Variants in CLNK observed in about 807,000 individuals in gnomAD.
CLNK encodes cytokine dependent hematopoietic cell linker, also known as cytokine-dependent hematopoietic cell linker.
A neutral mutation model predicts 68.6 loss-of-function variants in CLNK; 74 were observed. The ratio of observed to expected loss-of-function variants is 1.08; its 90% CI spans 0.89 to 1.31. The LOEUF is 1.31. CLNK is among the 50% of genes most tolerant of loss of function. The pLI, the probability that CLNK is intolerant of heterozygous loss-of-function variation, is 0.00. For missense variants in CLNK, 553 were observed against 515.3 expected (o/e 1.07, Z -0.71); for synonymous variants, 198 against 172.2 (o/e 1.15, Z -1.17).
At chr4:10,678,904 G>A (rs957107786) in intron 1 of CLNK, among the ~76,000 whole-genome samples, 1 of 152,146 alleles carries the variant, frequency 6.6e-6, no homozygotes, top group South Asian at 2.1e-4. Context: ...CTCATGGGTA[G>A]GAGGAATCAA....
the CLNK span, among the ~76,000 whole-genome samples, chr4:10,717,733 A>C: frequency 6.6e-6 from 1 of 152,372 alleles, no homozygotes; most frequent in African/African-American, 2.4e-5. Context: ...GAGTGGTATC[A>C]GTGGAAACCA....
chr4:10,704,048 T>A, the CLNK span, among the ~76,000 whole-genome samples: 1 of 152,134 alleles, frequency 6.6e-6, no homozygotes, highest in East Asian at 1.9e-4. Context: ...GTGGAGGGGA[T>A]CTTATTTAAA....
At chr4:10,563,917 A>T (rs1196283881) in intron 7 of CLNK, among the ~76,000 whole-genome samples, 1 of 148,646 alleles carries the variant, frequency 6.7e-6, no homozygotes, top group Middle Eastern at 3.4e-3. Context: ...AAAAAAAGAA[A>T]AGAAAAGAAA....
intron 14 of CLNK, among the ~76,000 whole-genome samples, chr4:10,523,661 G>A (rs1405861980): frequency 6.6e-6 from 1 of 152,124 alleles, no homozygotes; most frequent in Non-Finnish European, 1.5e-5. Flanking sequence ...ACAGAAATGA[G>A]GCCAACTGGA....
At chr4:10,639,982 C>T (rs1723246902) in intron 2 of CLNK, among the ~76,000 whole-genome samples, 1 of 152,146 alleles carries the variant, frequency 6.6e-6, no homozygotes, top group Non-Finnish European at 1.5e-5. Context: ...GCTTTGTTTC[C>T]CTAGACCACA....
intron 2 of CLNK, among the ~76,000 whole-genome samples, chr4:10,651,647 C>G (rs767134990): frequency 6.6e-6 from 1 of 151,784 alleles, no homozygotes; most frequent in South Asian, 2.1e-4. Context: ...AGTATGCTAA[C>G]TATTTGGGTA....
At chr4:10,598,647 C>G (rs1244684920) in intron 2 of CLNK, 1 of 443,708 alleles carries the variant, frequency 2.3e-6, no homozygotes, top group Admixed American at 2.5e-5. Context: ...AAGAGATTAA[C>G]TTATTTTTCA....
chr4:10,516,030 T>A (rs955213876), intron 15 of CLNK, among the ~76,000 whole-genome samples: 3 of 152,188 alleles, frequency 2.0e-5, no homozygotes, highest in Non-Finnish European at 4.4e-5. Flanking sequence ...TAACATATTA[T>A]CATTGCATGT....
chr4:10,553,425 C>G (rs1005837909), intron 8 of CLNK, among the ~76,000 whole-genome samples: 2 of 151,814 alleles, frequency 1.3e-5, no homozygotes, highest in Non-Finnish European at 2.9e-5. Flanking sequence ...TTACTGCATC[C>G]AGAGTTTCCC....
chr4:10,699,513 T>TTTTA, the CLNK span, among the ~76,000 whole-genome samples: 10 of 62,062 alleles, frequency 1.6e-4, no homozygotes, highest in African/African-American at 8.2e-4. Flanking sequence ...TATATATATA[T>TTTTA]TTTTTTTTTT....
At chr4:10,561,180 C>T (rs1719875882) in intron 7 of CLNK, among the ~76,000 whole-genome samples, 1 of 152,126 alleles carries the variant, frequency 6.6e-6, no homozygotes, top group Non-Finnish European at 1.5e-5. Context: ...GGATTACAGG[C>T]ATGAACTACT....
chr4:10,502,141 C>T lies in CLNK; in HGVS notation c.985-730G>A, dbSNP rs116712842. ...CCCAGATTTTGCATGATGTATTAGT[C>T]TGTTTTCACACTTCTATAAAGAAAT... On this transcript the variant is annotated intron_variant, in intron 17 of 18. Coordinates refer to ENST00000226951, the MANE Select transcript of CLNK (RefSeq NM_052964.4). 7.4e-3 allele frequency among the ~76,000 whole-genome samples: 1,125 copies of T among 152,260 alleles called. 13 individuals carry two copies. The highest frequency in any genetic ancestry group is 0.026 in the African/African-American group (1,066 of 41,540).
chr4:10,674,465 T>A (rs1270743629), intron 1 of CLNK, among the ~76,000 whole-genome samples: 3 of 152,184 alleles, frequency 2.0e-5, no homozygotes, highest in African/African-American at 7.2e-5. Flanking sequence ...CATAATGAAT[T>A]TACTTTGGGT....
chr4:10,586,132 C>T (rs183904190), intron 3 of CLNK, among the ~76,000 whole-genome samples: 3 of 148,736 alleles, frequency 2.0e-5, no homozygotes, highest in Admixed American at 1.3e-4. Context: ...ATAATGCTTG[C>T]TTGTCCACTG....
In CLNK at chr4:10,488,530, T is replaced by C. The variant is rs1369549806; in HGVS notation, c.*1937A>G. On this transcript the variant is annotated 3_prime_UTR_variant, in exon 19 of 19. Coordinates refer to ENST00000226951, the MANE Select transcript of CLNK (RefSeq NM_052964.4). ...CAGCTTTTAGCTTTGACCGGACCAG[T>C]GAGTTCTTTCGTATCCAAGCTCCAA... The C allele has an allele frequency of 6.6e-6, 1 of 152,290 alleles. No homozygotes were observed. Among genetic ancestry groups the C allele is most frequent in the Non-Finnish European group, 1.5e-5 (1 of 68,068 alleles). 9.4% of individuals were successfully genotyped at this position (152,290 alleles called of 1,614,324 possible).
At chr4:10,651,634 A>G (rs1279369388) in intron 2 of CLNK, among the ~76,000 whole-genome samples, 1 of 152,186 alleles carries the variant, frequency 6.6e-6, no homozygotes, top group Non-Finnish European at 1.5e-5. Context: ...ACCAAAGACA[A>G]AGAGTATGCT....
At chr4:10,514,232 C>A (rs1717734327) in intron 15 of CLNK, among the ~76,000 whole-genome samples, 1 of 144,692 alleles carries the variant, frequency 6.9e-6, no homozygotes, top group Non-Finnish European at 1.5e-5. Context: ...TGTATATGTG[C>A]CACATTTTCT....
At chr4:10,546,725 C>T (rs1048685581) in intron 8 of CLNK, among the ~76,000 whole-genome samples, 10 of 152,170 alleles carry the variant, frequency 6.6e-5, no homozygotes, top group Non-Finnish European at 1.2e-4. Context: ...CACTCCACTT[C>T]TTGACACCAA....
intron 13 of CLNK, 136 bp downstream of exon 13, chr4:10,527,940 C>G (rs575421005): frequency 7.4e-6 from 3 of 404,640 alleles, no homozygotes; most frequent in Non-Finnish European, 1.3e-5. Context: ...AGGATCACGT[C>G]ATCGTTCACA....
Sources: allele counts gnomAD v4.1 joint callset (sites outside exome capture counted in the v4.1 genomes callset), GRCh38; gene constraint gnomAD v4.1.1; transcripts MANE v1.5; gene names NCBI Gene and HGNC (gene_info 2026-07-23, HGNC 2026-07-21).